Variants in GSK3B observed in about 807,000 individuals in gnomAD.
GSK3B encodes the protein glycogen synthase kinase-3 beta.
Under a neutral mutation model 56.4 loss-of-function variants are expected in GSK3B, and 15 were observed. That is an observed-to-expected ratio of 0.27 (90% CI 0.18 to 0.41). GSK3B has a LOEUF of 0.41. Among genes scored for constraint, GSK3B ranks in the 10% least tolerant of loss-of-function variants. The probability of loss-of-function intolerance (pLI) is 1.00; values close to 1 mark genes in which losing one functional copy is unlikely to be tolerated. For missense variants in GSK3B, 300 were observed against 513.4 expected (o/e 0.58, Z 4.02); for synonymous variants, 181 against 188.9 (o/e 0.96, Z 0.34).
chr3:119,833,228 T>G (rs2055632270), intron 10 of GSK3B, among the ~76,000 whole-genome samples: 1 of 149,102 alleles, frequency 6.7e-6, no homozygotes, highest in African/African-American at 2.5e-5. Flanking sequence ...AGGTCTCCAT[T>G]TACACCTACT....
intron 1 of GSK3B, among the ~76,000 whole-genome samples, chr3:120,050,737 C>T (rs1009098920): frequency 6.6e-6 from 1 of 152,272 alleles, no homozygotes. Context: ...TTTAAAGTAG[C>T]TGTGGAACAT....
At chr3:120,048,522 A>G (rs1360536363) in intron 1 of GSK3B, among the ~76,000 whole-genome samples, 2 of 152,224 alleles carry the variant, frequency 1.3e-5, no homozygotes, top group Admixed American at 1.3e-4. Flanking sequence ...CCTGTGCCTC[A>G]GGCTCCTCAT....
At chr3:119,887,709 C>T (rs1041020355) in intron 7 of GSK3B, among the ~76,000 whole-genome samples, 8 of 151,980 alleles carry the variant, frequency 5.3e-5, no homozygotes, top group African/African-American at 1.9e-4. Context: ...ATTACCAAAA[C>T]TTACCCAAAT....
chr3:119,944,282 C>T (rs2057078317), intron 3 of GSK3B, among the ~76,000 whole-genome samples: 1 of 152,098 alleles, frequency 6.6e-6, no homozygotes, highest in African/African-American at 2.4e-5. Flanking sequence ...TTCTAATAAC[C>T]TCAATCTCTT....
chr3:119,950,528 C>G (rs2057147312), intron 2 of GSK3B, among the ~76,000 whole-genome samples: 1 of 152,096 alleles, frequency 6.6e-6, no homozygotes, highest in Non-Finnish European at 1.5e-5. Context: ...GTTGGTGACT[C>G]TTACAAGAAT....
At position 120,093,880 on chromosome 3, in the gene GSK3B, G is replaced by A. The variant is rs1559911481; in HGVS notation, c.-446C>T. ...AAGGATCACGAGTCTCACGCTTGAA[G>A]AGAAAGGGGGATGGGTAGGAGGGAG... On this transcript the variant is annotated 5_prime_UTR_variant, in exon 1 of 11. Transcript: ENST00000264235. 2 of 187,494 alleles carry A rather than the reference G, an allele frequency of 1.1e-5. No homozygotes were observed. Among genetic ancestry groups the A allele is most frequent in the Admixed American group, 6.2e-5 (1 of 16,070 alleles). 11.6% of individuals were successfully genotyped at this position (187,494 alleles called of 1,614,324 possible). A position where few individuals can be genotyped will look rare whatever the true frequency, so the allele number is the denominator to read the frequency against.
At chr3:120,039,237 G>A (rs2058046724) in intron 1 of GSK3B, among the ~76,000 whole-genome samples, 1 of 152,190 alleles carries the variant, frequency 6.6e-6, no homozygotes. Context: ...CTCACTCACT[G>A]TTTGCAGAAA....
intron 8 of GSK3B, among the ~76,000 whole-genome samples, chr3:119,863,983 T>A (rs2056143804): frequency 6.6e-6 from 1 of 152,220 alleles, no homozygotes; most frequent in African/African-American, 2.4e-5. Context: ...TTTGCATTGT[T>A]TTTTTAGCCG....
chr3:120,056,900 T>C (rs2058195802), intron 1 of GSK3B, among the ~76,000 whole-genome samples: 1 of 151,976 alleles, frequency 6.6e-6, no homozygotes, highest in South Asian at 2.1e-4. Context: ...CCCAGCACTT[T>C]GGGAGGCCGA....
At chr3:119,977,791 G>A (rs141904598) in intron 2 of GSK3B, among the ~76,000 whole-genome samples, 397 of 152,224 alleles carry the variant, frequency 2.6e-3, no homozygotes, top group African/African-American at 8.4e-3. Context: ...AAAATTTGAC[G>A]TATAGCAGTG....
chr3:120,022,871 C>G (rs2057891248), intron 1 of GSK3B, among the ~76,000 whole-genome samples: 1 of 152,174 alleles, frequency 6.6e-6, no homozygotes, highest in African/African-American at 2.4e-5. Flanking sequence ...GAGACTAATC[C>G]TCTTATTGGT....
At chr3:120,032,217 C>T (rs761627728) in intron 1 of GSK3B, among the ~76,000 whole-genome samples, 6 of 151,942 alleles carry the variant, frequency 3.9e-5, no homozygotes, top group Non-Finnish European at 7.4e-5. Flanking sequence ...TGGCTCATGC[C>T]CGTAACCCCA....
At chr3:120,029,404 C>T (rs2057956427) in intron 1 of GSK3B, 4 of 761,490 alleles carry the variant, frequency 5.3e-6, no homozygotes, top group Non-Finnish European at 9.6e-6. Flanking sequence ...TTTCACATGG[C>T]AGCAAATATC....
chr3:119,842,117 A>G (rs1409192547), intron 10 of GSK3B, among the ~76,000 whole-genome samples: 1 of 152,168 alleles, frequency 6.6e-6, no homozygotes, highest in Non-Finnish European at 1.5e-5. Flanking sequence ...CTGAGCCCTT[A>G]ACTGTGCTAC....
At chr3:120,013,812 T>G (rs2057800276) in intron 1 of GSK3B, among the ~76,000 whole-genome samples, 1 of 151,738 alleles carries the variant, frequency 6.6e-6, no homozygotes, top group Non-Finnish European at 1.5e-5. Flanking sequence ...ATTTTTCAGG[T>G]TAAGTTGAAG....
chr3:120,043,634 C>A (rs1010749029), intron 1 of GSK3B, among the ~76,000 whole-genome samples: 3 of 152,190 alleles, frequency 2.0e-5, no homozygotes, highest in African/African-American at 7.2e-5. Context: ...CTGGACCTCC[C>A]CAGATGGCTG....
intron 1 of GSK3B, among the ~76,000 whole-genome samples, chr3:120,024,165 T>C (rs1037855026): frequency 3.3e-5 from 5 of 151,940 alleles, no homozygotes; most frequent in South Asian, 2.1e-4. Flanking sequence ...ATACTGTCTC[T>C]ACAAAAAAAA....
intron 3 of GSK3B, among the ~76,000 whole-genome samples, chr3:119,933,579 A>G (rs981530673): frequency 6.6e-6 from 1 of 152,244 alleles, no homozygotes; most frequent in African/African-American, 2.4e-5. Flanking sequence ...ATAGTATGTT[A>G]AAGAAGCACA....
At chr3:119,992,497 A>G (rs1364841755) in intron 2 of GSK3B, among the ~76,000 whole-genome samples, 6 of 152,076 alleles carry the variant, frequency 3.9e-5, no homozygotes, top group African/African-American at 9.7e-5. Flanking sequence ...CAAAAACTGA[A>G]CCCTGATAAC....
Sources: gnomAD v4.1 joint callset for allele counts (sites outside exome capture counted in the v4.1 genomes callset) on GRCh38, gnomAD v4.1.1 for gene constraint, MANE v1.5 for transcripts, NCBI Gene and HGNC (gene_info 2026-07-23, HGNC 2026-07-21) for gene names.